Variants in ADAMTS12 observed in about 807,000 individuals in gnomAD.
ADAMTS12 encodes the protein ADAM metallopeptidase with thrombospondin type 1 motif 12, also known as A disintegrin and metalloproteinase with thrombospondin motifs 12.
Under a neutral mutation model 167.8 loss-of-function variants are expected in ADAMTS12, and 118 were observed. That is an observed-to-expected ratio of 0.70 (90% CI 0.61 to 0.82). The LOEUF (loss-of-function observed/expected upper bound fraction) is 0.82. Among genes scored for constraint, ADAMTS12 ranks in the 40% least tolerant of loss-of-function variants. ADAMTS12 has a pLI of 0.00. For synonymous variants in ADAMTS12, 704 were observed against 716.9 expected, an observed-to-expected ratio of 0.98 and a Z score of 0.29; for missense variants, 1,916 against 1,998.8, an observed-to-expected ratio of 0.96 and a Z score of 0.79.
intron 21 of ADAMTS12, 145 bp downstream of exon 21, chr5:33,549,062 A>C: frequency 2.0e-6 from 2 of 1,021,488 alleles, no homozygotes; most frequent in Non-Finnish European, 2.8e-6. Flanking sequence ...AGCTTCTCAC[A>C]TACAGGGTGG....
intron 2 of ADAMTS12, among the ~76,000 whole-genome samples, chr5:33,867,652 CAT>C (rs1329993146): frequency 2.0e-5 from 3 of 152,080 alleles, no homozygotes; most frequent in South Asian, 2.1e-4. Flanking sequence ...CACACACACA[CAT>C]ATATAAAAAG....
intron 11 of ADAMTS12, 59 bp downstream of exon 11, chr5:33,641,751 C>A: frequency 2.7e-6 from 4 of 1,461,060 alleles, no homozygotes; most frequent in Non-Finnish European, 2.7e-6. Flanking sequence ...TTCAAGACTG[C>A]CCCCCATCCC....
rs1009902445 is a variant in ADAMTS12 at position 33,659,658 on chromosome 5, C to A, written c.1041-1325G>T. 5.9e-5 allele frequency among the ~76,000 whole-genome samples: 9 copies of A among 152,200 alleles called. No homozygotes were observed. The East Asian group carries it at 1.7e-3, about 29-fold the overall frequency. ...TTACAGGCCAGCAGCTTAAGCTCTA[C>A]TTCCACCATGCACTGGGGCCACTAT... On this transcript the variant is annotated intron_variant, in intron 6 of 23. Coordinates refer to ENST00000504830, the MANE Select transcript of ADAMTS12 (RefSeq NM_030955.4).
At chr5:33,742,077 A>G (rs911328046) in intron 3 of ADAMTS12, among the ~76,000 whole-genome samples, 10 of 152,168 alleles carry the variant, frequency 6.6e-5, no homozygotes, top group African/African-American at 2.4e-4. Context: ...GGCAGGGTCT[A>G]ATTTGACAGG....
At chr5:33,850,131 C>T (rs886898409) in intron 2 of ADAMTS12, among the ~76,000 whole-genome samples, 6 of 152,120 alleles carry the variant, frequency 3.9e-5, no homozygotes, top group South Asian at 2.1e-4. Flanking sequence ...ATCGTCTGTA[C>T]GGAGCAGATC....
intron 18 of ADAMTS12, among the ~76,000 whole-genome samples, chr5:33,577,960 A>T (rs1746843160): frequency 6.6e-6 from 1 of 152,224 alleles, no homozygotes; most frequent in African/African-American, 2.4e-5. Flanking sequence ...CTCAGGATAC[A>T]TGGTAAAGAA....
At chr5:33,891,489 G>C in intron 1 of ADAMTS12, 1 of 529,040 alleles carries the variant, frequency 1.9e-6, no homozygotes. Context: ...AGACTGCAGT[G>C]TCATCCCTGT....
intron 2 of ADAMTS12, among the ~76,000 whole-genome samples, chr5:33,830,952 A>G (rs1021348640): frequency 6.6e-5 from 10 of 152,180 alleles, no homozygotes; most frequent in African/African-American, 1.2e-4. Flanking sequence ...AGCCCATACT[A>G]AAACAGTAGC....
At chr5:33,829,355 T>C (rs1000041840) in intron 2 of ADAMTS12, among the ~76,000 whole-genome samples, 1 of 152,186 alleles carries the variant, frequency 6.6e-6, no homozygotes, top group African/African-American at 2.4e-5. Flanking sequence ...CTCTATTTTT[T>C]CCCTGTGTGC....
rs550919808 is a variant in ADAMTS12, at chr5:33,590,344, C to A, written c.2655-1535G>T. Among the ~76,000 whole-genome samples the A allele has an allele frequency of 5.7e-4, 87 of 152,312 alleles. No homozygotes were observed. The South Asian group carries it at 0.018, about 31-fold the overall frequency. ...TATAGTCTGAATGTGTTCCCCAAAACATATGTGTTAGAAACTTAATCCTCA... is the reference window on the plus strand; with the variant it reads ...TATAGTCTGAATGTGTTCCCCAAAAAATATGTGTTAGAAACTTAATCCTCA... On this transcript the variant is annotated intron_variant, in intron 17 of 23. Coordinates refer to ENST00000504830, the MANE Select transcript of ADAMTS12 (RefSeq NM_030955.4).
chr5:33,764,965 C>A (rs1340431734), intron 2 of ADAMTS12, among the ~76,000 whole-genome samples: 1 of 152,016 alleles, frequency 6.6e-6, no homozygotes, highest in Admixed American at 6.6e-5. Context: ...CATAACACAC[C>A]AAAACCAACC....
At chr5:33,765,154 T>C (rs547852542) in intron 2 of ADAMTS12, among the ~76,000 whole-genome samples, 44 of 152,342 alleles carry the variant, frequency 2.9e-4, no homozygotes, top group Admixed American at 2.7e-3. Context: ...ATGCCCACCC[T>C]TAGATTCAAC....
At position 33,576,242 on chromosome 5, in the gene ADAMTS12, T is replaced by C; in HGVS notation, c.3784A>G (p.Lys1262Glu). Residue 1262 changes from lysine to glutamate, a missense_variant, in exon 19 of 24, where the codon AAG becomes GAG. Coordinates refer to ENST00000504830, the MANE Select transcript of ADAMTS12 (RefSeq NM_030955.4). Reference protein sequence around the residue: ...GGDHQPEPSGKTANRNHLKLP... With the variant: ...GGDHQPEPSGETANRNHLKLP... Reference sequence around the variant, plus strand: ...TTCAGGTGGTTACGGTTTGCCGTCTTTCCTGAGGGTTCTGGCTGGTGGTCT... The same window carrying C: ...TTCAGGTGGTTACGGTTTGCCGTCTCTCCTGAGGGTTCTGGCTGGTGGTCT... 6.2e-7 allele frequency: 1 copy of C among 1,614,208 alleles called. No individual in the cohort carries two copies. The highest frequency in any genetic ancestry group is 8.5e-7 in the Non-Finnish European group (1 of 1,180,024).
chr5:33,733,849 C>T (rs903774088), intron 3 of ADAMTS12, among the ~76,000 whole-genome samples: 4 of 152,162 alleles, frequency 2.6e-5, no homozygotes, highest in African/African-American at 9.7e-5. Context: ...CTCCAATTCA[C>T]ACAGACACAG....
chr5:33,668,565 A>G (rs7719028), intron 5 of ADAMTS12, among the ~76,000 whole-genome samples: 145,121 of 152,194 alleles, frequency 0.95, 69,570 homozygotes, highest in Non-Finnish European at 1. Context: ...GTGCAGTAGC[A>G]CAATCCTCCA....
intron 18 of ADAMTS12, among the ~76,000 whole-genome samples, chr5:33,584,411 A>G (rs895003596): frequency 3.3e-5 from 5 of 151,860 alleles, no homozygotes; most frequent in Non-Finnish European, 7.4e-5. Flanking sequence ...AAAAATCTGT[A>G]GGCCCCAAGC....
At chr5:33,740,538 C>T (rs571083735) in intron 3 of ADAMTS12, among the ~76,000 whole-genome samples, 6 of 152,204 alleles carry the variant, frequency 3.9e-5, no homozygotes, top group South Asian at 2.1e-4. Context: ...GACGGGGATG[C>T]GGGGGTGAGA....
chr5:33,722,434 CATT>C (rs1485117026), intron 3 of ADAMTS12, among the ~76,000 whole-genome samples: 3 of 152,102 alleles, frequency 2.0e-5, no homozygotes, highest in African/African-American at 4.8e-5. Flanking sequence ...ATAAGGTAGA[CATT>C]ATTATATGCC....
At chr5:33,528,446 C>T (rs1743925643) in intron 23 of ADAMTS12, among the ~76,000 whole-genome samples, 1 of 152,210 alleles carries the variant, frequency 6.6e-6, no homozygotes, top group Non-Finnish European at 1.5e-5. Flanking sequence ...GAAAAAAATA[C>T]ATGACTGTAG....
Sources: gnomAD v4.1 joint callset for allele counts (sites outside exome capture counted in the v4.1 genomes callset) on GRCh38, gnomAD v4.1.1 for gene constraint, MANE v1.5 for transcripts, NCBI Gene and HGNC (gene_info 2026-07-23, HGNC 2026-07-21) for gene names.